Variants in ZNF732 observed in about 807,000 individuals in gnomAD.
ZNF732 encodes the protein zinc finger protein 732.
Under a neutral mutation model 11.5 loss-of-function variants are expected in ZNF732, and 12 were observed. The observed-to-expected ratio is 1.05, with a 90% confidence interval of 0.67 to 1.70. The LOEUF (loss-of-function observed/expected upper bound fraction) is 1.70, where lower values mean the gene tolerates loss of function less well. Ranked by LOEUF, ZNF732 falls within the 40% of genes most tolerant of loss-of-function variation. The pLI, the probability that ZNF732 is intolerant of heterozygous loss-of-function variation, is 0.00. For missense variants in ZNF732, 702 were observed against 676.9 expected (o/e 1.04, Z -0.41); for synonymous variants, 231 against 236.5 (o/e 0.98, Z 0.21).
intron 3 of ZNF732, among the ~76,000 whole-genome samples, chr4:278,600 G>C (rs951452786): frequency 1.4e-4 from 21 of 152,298 alleles, no homozygotes; most frequent in African/African-American, 5.1e-4. Context: ...CTATATGTTA[G>C]TTATTGAAAA....
intron 3 of ZNF732, among the ~76,000 whole-genome samples, chr4:274,820 G>T (rs1428350713): frequency 4.0e-5 from 6 of 151,620 alleles, no homozygotes; most frequent in African/African-American, 1.2e-4. Context: ...TAATAATAAA[G>T]GTTCATTTAC....
In ZNF732 at chr4:273,313, A is replaced by G. The variant is rs144939616; in HGVS notation, c.227-683T>C. On this transcript the variant is annotated intron_variant, in intron 3 of 3. Coordinates refer to ENST00000419098, the MANE Select transcript of ZNF732 (RefSeq NM_001137608.3). ...TATCAAAGACAACTGGCTTCAGACT[A>G]TGTCAGGAGAAAACAACATTGTAAA... 2.0e-3 allele frequency among the ~76,000 whole-genome samples: 305 copies of G among 152,214 alleles called. 1 individual carries two copies. The highest frequency in any genetic ancestry group is 3.7e-3 in the Admixed American group (56 of 15,302).
chr4:299,272 C>T (rs1298255479), intron 1 of ZNF732, among the ~76,000 whole-genome samples: 2 of 150,244 alleles, frequency 1.3e-5, no homozygotes, highest in Non-Finnish European at 3.0e-5. Context: ...TTATTTGGGC[C>T]AAAACTTGAA....
intron 3 of ZNF732, among the ~76,000 whole-genome samples, chr4:292,714 T>C (rs1408165870): frequency 1.3e-5 from 2 of 151,444 alleles, no homozygotes; most frequent in East Asian, 3.9e-4. Context: ...AAGTGCTATA[T>C]GCTGTTGGTG....
intron 1 of ZNF732, among the ~76,000 whole-genome samples, chr4:303,777 G>A (rs1406161695): frequency 6.6e-6 from 1 of 152,214 alleles, no homozygotes; most frequent in Non-Finnish European, 1.5e-5. Flanking sequence ...AGTCACTAAC[G>A]TCTGAATTCT....
Position 272,026 on chromosome 4 carries a change from G to C in ZNF732, c.831C>G (p.Pro277=), listed in dbSNP as rs782115245. 2.4e-4 allele frequency: 390 copies of C among 1,610,120 alleles called. No homozygotes were observed. The Middle Eastern group carries it at 8.9e-3, about 37-fold the overall frequency. ...TTTTGCCACATTCTTCACATGTGAA[G>C]GGTTTCTCTTCAGCATGAATTCTCT... The part of the protein sequence containing the change: ...KHKRIHAEEK[P]FTCEECGKII... Residue 277 remains proline, a synonymous_variant, in exon 4 of 4, where the codon CCC becomes CCG. Transcript: ENST00000419098.
intron 1 of ZNF732, among the ~76,000 whole-genome samples, chr4:299,426 C>CGT (rs1267969287): frequency 2.5e-5 from 2 of 81,136 alleles, no homozygotes; most frequent in African/African-American, 4.6e-5. Flanking sequence ...CACATATATA[C>CGT]ACATATGTGT....
chr4:303,610 C>T (rs1282464950), intron 1 of ZNF732, among the ~76,000 whole-genome samples: 6 of 152,122 alleles, frequency 3.9e-5, no homozygotes, highest in South Asian at 2.1e-4. Context: ...AGTGAGACTC[C>T]GGCTCAAGAA....
In ZNF732 at chr4:271,691, G is replaced by C; in HGVS notation, c.1166C>G (p.Pro389Arg). ...TTTTCCACATTCTTCACATGTGTAG[G>C]GTTTCTCTCCAGTATGAATACTCTT... ...KHKSIHTGEKPYTCEECGKAF... is the reference protein window; with the variant it reads ...KHKSIHTGEKRYTCEECGKAF... Residue 389 changes from proline to arginine, a missense_variant, in exon 4 of 4, where the codon CCC (proline) becomes CGC (arginine). By Grantham distance (103) the Pro-to-Arg change is moderately radical (BLOSUM62 -2). This residue lies in a region of ZNF732 where 596 missense variants were observed against 557.9 expected (regional missense o/e 1.07). Transcript: ENST00000419098. The C allele has an allele frequency of 1.2e-6, 2 of 1,612,586 alleles. No individual in the cohort carries two copies. The highest frequency in any genetic ancestry group is 1.7e-6 in the Non-Finnish European group (2 of 1,179,244).
At chr4:283,757 C>T (rs1719664698) in intron 3 of ZNF732, among the ~76,000 whole-genome samples, 1 of 152,058 alleles carries the variant, frequency 6.6e-6, no homozygotes, top group South Asian at 2.1e-4. Flanking sequence ...CACCAAAAGA[C>T]ATATATATAG....
chr4:277,091 A>G (rs75684666), intron 3 of ZNF732, among the ~76,000 whole-genome samples: 8,124 of 152,102 alleles, frequency 0.053, 334 homozygotes, highest in African/African-American at 0.11. Flanking sequence ...AATTATTTAC[A>G]TGATAATCAA....
chr4:305,288 C>A lies in ZNF732; in HGVS notation c.3+20G>T. 1 of 1,605,708 alleles carries A rather than the reference C, an allele frequency of 6.2e-7. No homozygotes were observed. ...GGATGAGGCCTCCCCAGCCTTGGGA[C>A]GCCCTGCCCCCACACTCACCATTTC... On this transcript the variant is annotated intron_variant, in intron 1 of 3. Coordinates refer to ENST00000419098, the MANE Select transcript of ZNF732 (RefSeq NM_001137608.3).
intron 1 of ZNF732, among the ~76,000 whole-genome samples, chr4:299,374 TATATATATACACATATGTACAC>T (rs2108661149): frequency 3.6e-5 from 2 of 56,242 alleles, no homozygotes; most frequent in South Asian, 5.9e-4. Context: ...CATATGTGTA[TATATATATACACATATGTACAC>T]ATATGTGTAT....
At chr4:300,454 C>CA (rs559629684) in intron 1 of ZNF732, among the ~76,000 whole-genome samples, 5,735 of 57,634 alleles carry the variant, frequency 0.1, 257 homozygotes, top group South Asian at 0.17. Flanking sequence ...GACTCTGTCT[C>CA]AAAAAAAAAA....
chr4:301,612 A>G (rs1368358904), intron 1 of ZNF732, among the ~76,000 whole-genome samples: 1 of 152,202 alleles, frequency 6.6e-6, no homozygotes, highest in Non-Finnish European at 1.5e-5. Context: ...GCAAACTATC[A>G]CAAGGACAAA....
chr4:285,916 A>AT (rs1560160527), intron 3 of ZNF732, among the ~76,000 whole-genome samples: 2 of 152,042 alleles, frequency 1.3e-5, no homozygotes, highest in African/African-American at 4.8e-5. Flanking sequence ...ATGTTTATCT[A>AT]TTTTTTGGTA....
intron 3 of ZNF732, among the ~76,000 whole-genome samples, chr4:287,249 G>C (rs10023604): frequency 0.25 from 38,402 of 151,042 alleles, 5,052 homozygotes; most frequent in South Asian, 0.38. Context: ...CGGAGTTTTG[G>C]TGTTGCCCAG....
chr4:305,245 G>A, intron 1 of ZNF732, 63 bp downstream of exon 1: 1 of 1,576,162 alleles, frequency 6.3e-7, no homozygotes, highest in Non-Finnish European at 8.6e-7. Flanking sequence ...TCCCGCCGCC[G>A]CCATTTCCCG....
intron 3 of ZNF732, among the ~76,000 whole-genome samples, chr4:276,411 TAA>T (rs1236909537): frequency 4.6e-5 from 7 of 151,988 alleles, no homozygotes; most frequent in African/African-American, 1.2e-4. Flanking sequence ...AGATCTCAGA[TAA>T]AAAGTTTTCT....
Sources: allele counts gnomAD v4.1 joint callset (sites outside exome capture counted in the v4.1 genomes callset), GRCh38; gene constraint gnomAD v4.1.1; regional missense constraint gnomAD v4.1.1; transcripts MANE v1.5; gene names NCBI Gene and HGNC (gene_info 2026-07-23, HGNC 2026-07-21).